Variants in SEMA3A observed in about 807,000 individuals in gnomAD.
The protein encoded by SEMA3A is semaphorin 3A, also known as semaphorin-3A.
SEMA3A carries 29 observed loss-of-function variants against 97.9 expected under a neutral mutation model. The observed-to-expected ratio is 0.30, with a 90% CI of 0.22 to 0.40. The LOEUF (loss-of-function observed/expected upper bound fraction) is 0.40, where lower values mean the gene tolerates loss of function less well. Ranked by LOEUF, SEMA3A falls within the 10% of genes least tolerant of loss-of-function variation. The pLI is 1.00. For synonymous variants in SEMA3A, 321 were observed against 323.7 expected (o/e 0.99, Z 0.09); for missense variants, 763 against 951.3 (o/e 0.80, Z 2.60).
At chr7:84,396,232 A>G (rs917182599) in intron 1 of SEMA3A, among the ~76,000 whole-genome samples, 31 of 152,066 alleles carry the variant, frequency 2.0e-4, no homozygotes, top group African/African-American at 7.0e-4. Flanking sequence ...AATATAATAT[A>G]CAGAATAAAT....
intron 1 of SEMA3A, among the ~76,000 whole-genome samples, chr7:84,452,441 C>T (rs1301286822): frequency 6.6e-6 from 1 of 152,076 alleles, no homozygotes; most frequent in Non-Finnish European, 1.5e-5. Flanking sequence ...AGGTATCATA[C>T]ACTTTGTGAG....
chr7:83,973,282 T>C (rs1788993293), intron 15 of SEMA3A, among the ~76,000 whole-genome samples: 1 of 152,136 alleles, frequency 6.6e-6, no homozygotes, highest in South Asian at 2.1e-4. Context: ...TCCTTGCTAT[T>C]ATCATCTGAA....
At chr7:84,096,663 T>TCATTCATTTC (rs1794784507) in intron 4 of SEMA3A, among the ~76,000 whole-genome samples, 1 of 152,098 alleles carries the variant, frequency 6.6e-6, no homozygotes, top group East Asian at 1.9e-4. Context: ...TTGTCATTTA[T>TCATTCATTTC]GTGTCAAACA....
intron 3 of SEMA3A, among the ~76,000 whole-genome samples, chr7:84,219,887 C>T (rs1280262944): frequency 2.0e-5 from 3 of 152,152 alleles, no homozygotes; most frequent in African/African-American, 7.2e-5. Context: ...AGGGTCTTGA[C>T]TTAATGTTGA....
chr7:84,051,076 T>A (rs895976342), intron 5 of SEMA3A, among the ~76,000 whole-genome samples: 1 of 151,524 alleles, frequency 6.6e-6, no homozygotes, highest in Admixed American at 6.6e-5. Flanking sequence ...TATATCTCTG[T>A]TTTGGTACCA....
intron 1 of SEMA3A, among the ~76,000 whole-genome samples, chr7:84,477,289 A>T (rs112582421): frequency 4.0e-5 from 6 of 150,726 alleles, no homozygotes; most frequent in Admixed American, 1.3e-4. Context: ...ATACAAAAAA[A>T]TTAGCCAGGC....
intron 2 of SEMA3A, among the ~76,000 whole-genome samples, chr7:84,332,795 A>G (rs1158253127): frequency 1.3e-5 from 2 of 152,102 alleles, no homozygotes; most frequent in Non-Finnish European, 2.9e-5. Context: ...GTTCTTGACT[A>G]TATTAAAACA....
intron 3 of SEMA3A, among the ~76,000 whole-genome samples, chr7:84,280,199 T>C (rs1433147133): frequency 6.6e-6 from 1 of 152,148 alleles, no homozygotes; most frequent in Non-Finnish European, 1.5e-5. Context: ...ACCAAGCCTC[T>C]TATTTTGAAT....
intron 1 of SEMA3A, among the ~76,000 whole-genome samples, chr7:84,151,671 C>A (rs1796676217): frequency 6.6e-6 from 1 of 152,088 alleles, no homozygotes. Flanking sequence ...ACTCTGCAGG[C>A]AACAAAAGAC....
At chr7:84,456,784 C>T (rs1805697607) in intron 1 of SEMA3A, among the ~76,000 whole-genome samples, 1 of 151,676 alleles carries the variant, frequency 6.6e-6, no homozygotes, top group Non-Finnish European at 1.5e-5. Flanking sequence ...TGTAGGGGTA[C>T]ACAAACAAAC....
At chr7:83,994,691 G>T (rs542331801) in intron 12 of SEMA3A, among the ~76,000 whole-genome samples, 5 of 148,356 alleles carry the variant, frequency 3.4e-5, no homozygotes, top group African/African-American at 1.3e-4. Context: ...CTCCAGCTGC[G>T]TGCTGGGAGA....
intron 3 of SEMA3A, among the ~76,000 whole-genome samples, chr7:84,119,179 A>G (rs549914579): frequency 2.8e-4 from 42 of 152,312 alleles, no homozygotes; most frequent in Admixed American, 1.8e-3. Context: ...TAAAAAAACT[A>G]TCTTTTAGCA....
chr7:84,299,186 T>A (rs1008206599), intron 3 of SEMA3A, among the ~76,000 whole-genome samples: 4 of 151,734 alleles, frequency 2.6e-5, no homozygotes, highest in Non-Finnish European at 5.9e-5. Flanking sequence ...TACCTTGTGA[T>A]CCTGTGAGTC....
chr7:84,377,059 G>T (rs1584275062), intron 1 of SEMA3A, among the ~76,000 whole-genome samples: 1 of 152,092 alleles, frequency 6.6e-6, no homozygotes. Flanking sequence ...TTGGTTGCTT[G>T]TATTTTTGAG....
At chr7:84,397,133 T>A (rs1447932460) in intron 1 of SEMA3A, among the ~76,000 whole-genome samples, 2 of 151,954 alleles carry the variant, frequency 1.3e-5, no homozygotes, top group Non-Finnish European at 2.9e-5. Context: ...TGTTGAAAAT[T>A]CGGAATTTCA....
Position 84,110,461 on chromosome 7 carries a change from C to T in SEMA3A, c.453+9G>A. ...TGGACAAATATAATTTTTAAAAAGC[C>T]AGCGTTACCTCAGGATGATGTCCAA... On this transcript the variant is annotated intron_variant, in intron 4 of 16. Coordinates refer to ENST00000265362, the MANE Select transcript of SEMA3A (RefSeq NM_006080.3). The T allele has an allele frequency of 6.2e-7, 1 of 1,612,718 alleles. No homozygotes were observed. Among genetic ancestry groups the T allele is most frequent in the Non-Finnish European group, 8.5e-7 (1 of 1,179,442 alleles).
At chr7:84,330,921 G>T (rs1289766133) in intron 2 of SEMA3A, among the ~76,000 whole-genome samples, 6 of 151,966 alleles carry the variant, frequency 3.9e-5, no homozygotes, top group African/African-American at 1.4e-4. Context: ...TCTGAGGGTG[G>T]CTAGCCAAGG....
chr7:84,383,672 A>AT (rs1254803466), intron 1 of SEMA3A, among the ~76,000 whole-genome samples: 1 of 152,190 alleles, frequency 6.6e-6, no homozygotes, highest in African/African-American at 2.4e-5. Flanking sequence ...TGTAAAAGGT[A>AT]TTTTAACCAG....
chr7:84,127,883 T>TAAGACG (rs2116014071), intron 3 of SEMA3A, among the ~76,000 whole-genome samples: 1 of 152,012 alleles, frequency 6.6e-6, no homozygotes, highest in East Asian at 1.9e-4. Flanking sequence ...TTCTAAATCC[T>TAAGACG]TTTAAATACA....
Sources: gnomAD v4.1 joint callset for allele counts (sites outside exome capture counted in the v4.1 genomes callset) on GRCh38, gnomAD v4.1.1 for gene constraint, MANE v1.5 for transcripts, NCBI Gene and HGNC (gene_info 2026-07-23, HGNC 2026-07-21) for gene names.